The following MEPCE variants were observed in gnomAD, a reference collection of about 807,000 sequenced individuals.
MEPCE encodes the protein 7SK snRNA methylphosphate capping enzyme.
MEPCE carries 9 observed loss-of-function variants against 52.3 expected under a neutral mutation model. That is an observed-to-expected ratio of 0.17 (90% CI 0.10 to 0.30). The LOEUF is 0.30. MEPCE is among the 10% of genes least tolerant of loss of function. The probability of loss-of-function intolerance (pLI) is 1.00; values close to 1 mark genes in which losing one functional copy is unlikely to be tolerated. For missense variants in MEPCE, 826 were observed against 933.0 expected (o/e 0.89, Z 1.49); for synonymous variants, 477 against 401.6 (o/e 1.19, Z -2.25).
At chr7:100,431,728 G>A in intron 1 of MEPCE, 39 bp downstream of exon 1, 1 of 1,498,824 alleles carries the variant, frequency 6.7e-7, no homozygotes, top group Non-Finnish European at 8.9e-7. Context: ...GGGGCCAGGT[G>A]TGAAGATGAG....
At position 100,430,199 on chromosome 7, in the gene MEPCE, C is replaced by G. The variant is rs1170402078; in HGVS notation, c.181C>G (p.Pro61Ala). The G allele has an allele frequency of 8.4e-6, 11 of 1,311,668 alleles. No homozygotes were observed. Among genetic ancestry groups the G allele is most frequent in the Non-Finnish European group, 6.8e-6 (7 of 1,033,706 alleles). 81.3% of individuals were successfully genotyped at this position (1,311,668 alleles called of 1,614,324 possible). A position where few individuals can be genotyped will look rare whatever the true frequency, so the allele number is the denominator to read the frequency against. ...PGRCAPSAGS[P>A]AAAVGRESPG... is the part of the protein sequence containing the mutation. Reference sequence around the variant, plus strand: ...TCGTTGCGCGCCATCTGCGGGGTCCCCAGCCGCTGCGGTCGGTCGGGAAAG... The same window carrying G: ...TCGTTGCGCGCCATCTGCGGGGTCCGCAGCCGCTGCGGTCGGTCGGGAAAG... The change falls in exon 1 of 4, where the codon CCA becomes GCA. Residue 61 changes from proline (P) to alanine (A), a missense_variant. This residue lies in a region of MEPCE where 314 missense variants were observed against 277.7 expected (regional missense o/e 1.13). Coordinates refer to ENST00000310512, the MANE Select transcript of MEPCE (RefSeq NM_019606.6).
upstream of MEPCE, chr7:100,428,824 G>A (rs539726031): frequency 6.6e-6 from 1 of 152,390 alleles, no homozygotes; most frequent in African/African-American, 2.4e-5. Flanking sequence ...GCCAGTGAGC[G>A]GGCGTCGGGA....
chr7:100,430,842 C>A lies in MEPCE; in HGVS notation c.824C>A (p.Ala275Glu). 6.2e-7 allele frequency: 1 copy of A among 1,611,068 alleles called. No homozygotes were observed. Among genetic ancestry groups the A allele is most frequent in the Non-Finnish European group, 8.5e-7 (1 of 1,178,138 alleles). Residue 275 changes from alanine (A) to glutamate (E), a missense_variant, in exon 1 of 4, where the codon GCA (alanine) becomes GAA (glutamate). Physicochemically the swap from Ala to Glu is moderately radical, Grantham distance 107. Transcript: ENST00000310512. Reference protein sequence around the residue: ...HRGQHHQQQQAAGGSESHPVP... With the variant: ...HRGQHHQQQQEAGGSESHPVP... The stretch of plus-strand genomic sequence containing the variant: ...GGACAGCACCACCAGCAGCAGCAGG[C>A]AGCCGGAGGGAGTGAGAGTCACCCC...
Position 100,430,452 on chromosome 7 carries a change from G to A in MEPCE, c.434G>A (p.Gly145Asp). 8 of 1,557,180 alleles carry A rather than the reference G, an allele frequency of 5.1e-6. No individual in the cohort carries two copies. The highest frequency in any genetic ancestry group is 6.9e-6 in the Non-Finnish European group (8 of 1,154,918). ...GYQPHRPPGGGGGKRRNSCNV... is the reference protein window; with the variant it reads ...GYQPHRPPGGDGGKRRNSCNV... ...CAGCCCCACCGGCCACCTGGGGGGG[G>A]CGGGGGCAAGAGGAGAAATAGCTGT... Residue 145 changes from glycine to aspartate, a missense_variant, in exon 1 of 4, where the codon GGC becomes GAC. Gly to Asp is a moderately conservative substitution (Grantham distance 94, BLOSUM62 -1). Around this residue, in one of 7 missense-constraint regions of MEPCE, gnomAD observed 314 missense variants for 277.7 expected, o/e 1.13. Transcript: ENST00000310512.
chr7:100,431,223 C>T lies in MEPCE; in HGVS notation c.1205C>T (p.Pro402Leu). 3 of 1,614,030 alleles carry T rather than the reference C, an allele frequency of 1.9e-6. No individual in the cohort carries two copies. The highest frequency in any genetic ancestry group is 2.5e-6 in the Non-Finnish European group (3 of 1,180,036). ...CGCCACCACCACCACCACCCACTGC[C>T]TGCAGCAGGCTTCAAAAAGCAACAG... ...GGRHHHHHPL[P>L]AAGFKKQQRK... Residue 402 changes from proline (P) to leucine (L), a missense_variant, in exon 1 of 4, where the codon CCT becomes CTT. Physicochemically the swap from Pro to Leu is moderately conservative, Grantham distance 98. Transcript: ENST00000310512.
In MEPCE at chr7:100,429,859, G is replaced by T. The variant is rs1798515458; in HGVS notation, c.-160G>T. On this transcript the variant is annotated 5_prime_UTR_variant, in exon 1 of 4. Transcript: ENST00000310512. ...TTGTTTTGGTCTCGCGGGCTAGTAG[G>T]GCGCACTTGGCGGGGAGGCGCTTGG... 5.6e-6 allele frequency: 3 copies of T among 532,912 alleles called. No individual in the cohort carries two copies. The highest frequency in any genetic ancestry group is 5.7e-6 in the Non-Finnish European group (2 of 349,860). 33.0% of individuals were successfully genotyped at this position (532,912 alleles called of 1,614,324 possible).
At position 100,433,291 on chromosome 7, in the gene MEPCE, T is replaced by C; in HGVS notation, c.1919T>C (p.Ile640Thr). 6.2e-7 allele frequency: 1 copy of C among 1,614,108 alleles called. No individual in the cohort carries two copies. The highest frequency in any genetic ancestry group is 8.5e-7 in the Non-Finnish European group (1 of 1,180,028). The change falls in exon 3 of 4, where the codon ATC becomes ACC. Residue 640 changes from isoleucine to threonine, a missense_variant. Ile to Thr is a moderately conservative substitution (Grantham distance 89). Transcript: ENST00000310512. ...TETIYKNYYR[I>T]QLKPEQFSSY... The stretch of plus-strand genomic sequence containing the variant: ...ACGATCTACAAGAACTACTACCGAA[T>C]CCAATTGAAGCCAGAGCAGTTCAGT...
intron 1 of MEPCE, among the ~76,000 whole-genome samples, chr7:100,432,690 C>T (rs1338738089): frequency 6.6e-6 from 1 of 152,184 alleles, no homozygotes; most frequent in Admixed American, 6.5e-5. Flanking sequence ...TACTCAGGCT[C>T]CGTCGACCTT....
rs1222236477 is a variant in MEPCE, at chr7:100,433,804, C to T, written c.*250C>T. On this transcript the variant is annotated 3_prime_UTR_variant, in exon 4 of 4. Coordinates refer to ENST00000310512, the MANE Select transcript of MEPCE (RefSeq NM_019606.6). ...TCCCCCAGCCTCCCAGGCTGGATGG[C>T]ATGGACTGTTTGCTGACCTCTGTTC... 2 of 566,124 alleles carry T rather than the reference C, an allele frequency of 3.5e-6. No homozygotes were observed. Among genetic ancestry groups the T allele is most frequent in the Non-Finnish European group, 6.3e-6 (2 of 319,204 alleles). 35.1% of individuals were successfully genotyped at this position (566,124 alleles called of 1,614,324 possible).
chr7:100,431,449 C>G lies in MEPCE; in HGVS notation c.1431C>G (p.Ser477=). 4 of 1,613,964 alleles carry G rather than the reference C, an allele frequency of 2.5e-6. No individual in the cohort carries two copies. The highest frequency in any genetic ancestry group is 2.2e-5 in the East Asian group (1 of 44,884). The change falls in exon 1 of 4, where the codon TCC becomes TCG. Residue 477 remains serine, a synonymous_variant. Coordinates refer to ENST00000310512, the MANE Select transcript of MEPCE (RefSeq NM_019606.6). ...GCATGGTGGGCCTGGATATCGATTC[C>G]CGGCTCATCCATTCTGCCCGCCAAA... ...PSRMVGLDID[S]RLIHSARQNI...
upstream of MEPCE, chr7:100,429,830 C>G (rs1008588419): frequency 4.6e-6 from 2 of 435,036 alleles, no homozygotes; most frequent in Non-Finnish European, 7.7e-6. Context: ...GTCTCGCGGG[C>G]CTCTTGTTTT....
At position 100,430,147 on chromosome 7, in the gene MEPCE, C is replaced by G. The variant is rs1798572885; in HGVS notation, c.129C>G (p.Leu43=). 3.1e-6 allele frequency: 4 copies of G among 1,287,090 alleles called. No homozygotes were observed. The highest frequency in any genetic ancestry group is 3.9e-6 in the Non-Finnish European group (4 of 1,018,670). 79.7% of individuals were successfully genotyped at this position (1,287,090 alleles called of 1,614,324 possible). A position where few individuals can be genotyped will look rare whatever the true frequency, so the allele number is the denominator to read the frequency against. Residue 43 remains leucine (L), a synonymous_variant, in exon 1 of 4, where the codon CTC becomes CTG. Coordinates refer to ENST00000310512, the MANE Select transcript of MEPCE (RefSeq NM_019606.6). The part of the protein sequence containing the change: ...PPHQEAASGE[L]RGGTERGPGR... ...ACCAAGAGGCCGCCTCTGGGGAGCT[C>G]CGCGGCGGGACGGAGCGTGGTCCGG...
chr7:100,429,764 A>G (rs955057391), upstream of MEPCE: 25 of 359,714 alleles, frequency 6.9e-5, no homozygotes, highest in Admixed American at 1.9e-4. Context: ...GCCGGGTGGT[A>G]GTGGCGGAGG....
rs1468416294 is a variant in MEPCE, at chr7:100,431,622, C to G, written c.1604C>G (p.Ala535Gly). ...CTGACTGCCAGCCGGGGTCCCATCGCTGCCCCCCAAGTGCCCTTGGATGGA... is the reference window on the plus strand; with the variant it reads ...CTGACTGCCAGCCGGGGTCCCATCGGTGCCCCCCAAGTGCCCTTGGATGGA... Reference protein sequence around the residue: ...ASLTASRGPIAAPQVPLDGAD... With the variant: ...ASLTASRGPIGAPQVPLDGAD... Residue 535 changes from alanine to glycine, a missense_variant, in exon 1 of 4, where the codon GCT becomes GGT. Around this residue, in one of 7 missense-constraint regions of MEPCE, gnomAD observed 107 missense variants for 157.9 expected, o/e 0.68. Coordinates refer to ENST00000310512, the MANE Select transcript of MEPCE (RefSeq NM_019606.6). The G allele has an allele frequency of 6.2e-7, 1 of 1,608,422 alleles. No individual in the cohort carries two copies. The highest frequency in any genetic ancestry group is 8.5e-7 in the Non-Finnish European group (1 of 1,179,998).
chr7:100,429,263 C>G (rs1798369829), upstream of MEPCE: 1 of 152,262 alleles, frequency 6.6e-6, no homozygotes, highest in African/African-American at 2.4e-5. Context: ...GTTTACCAAA[C>G]TTAAGGAAGC....
rs1798676427 is a variant in MEPCE at position 100,431,069 on chromosome 7, G to A, written c.1051G>A (p.Val351Ile). The A allele has an allele frequency of 6.2e-7, 1 of 1,613,834 alleles. No homozygotes were observed. The highest frequency in any genetic ancestry group is 1.3e-5 in the African/African-American group (1 of 75,058). ...GSLSAPPAAS[V>I]ISAPPSSSSR... The stretch of plus-strand genomic sequence containing the variant: ...CCTATCAGCCCCTCCAGCTGCCTCA[G>A]TTATCTCTGCACCCCCATCTTCCTC... The change falls in exon 1 of 4, where the codon GTT becomes ATT. Residue 351 changes from valine to isoleucine, a missense_variant. Physicochemically the swap from Val to Ile is conservative, Grantham distance 29. Transcript: ENST00000310512.
Position 100,429,960 on chromosome 7 carries a change from G to A in MEPCE, c.-59G>A. ...GGGAAGGGAGCAGGGTCCAGGCAGG[G>A]GGGGTTAGGCCCCCTGATCCCCCTC... On this transcript the variant is annotated 5_prime_UTR_variant, in exon 1 of 4. Coordinates refer to ENST00000310512, the MANE Select transcript of MEPCE (RefSeq NM_019606.6). 1 of 1,185,348 alleles carries A rather than the reference G, an allele frequency of 8.4e-7. No individual in the cohort carries two copies. Among genetic ancestry groups the A allele is most frequent in the Admixed American group, 4.2e-5 (1 of 23,684 alleles). The allele number at this position is 1,185,348 out of a possible 1,614,324, so 73.4% of individuals were successfully genotyped here. A position where few individuals can be genotyped will look rare whatever the true frequency, so the allele number is the denominator to read the frequency against.
At chr7:100,429,281 C>G (rs1318419545), upstream of MEPCE, 1 of 152,270 alleles carries the variant, frequency 6.6e-6, no homozygotes, top group Non-Finnish European at 1.5e-5. Flanking sequence ...AGCGACGTCA[C>G]AGGCCCAACC....
upstream of MEPCE, chr7:100,429,482 C>T (rs1290725293): frequency 6.6e-6 from 1 of 152,338 alleles, no homozygotes; most frequent in Admixed American, 6.5e-5. Flanking sequence ...TCAAGGAGAC[C>T]TTTTCACACC....
Sources: gnomAD v4.1 joint callset for allele counts (sites outside exome capture counted in the v4.1 genomes callset) on GRCh38, gnomAD v4.1.1 for gene constraint, gnomAD v4.1.1 regional missense constraint, MANE v1.5 for transcripts, NCBI Gene and HGNC (gene_info 2026-07-23, HGNC 2026-07-21) for gene names.